Variants in VPS53 observed in about 807,000 individuals in gnomAD.
VPS53 encodes the protein VPS53 subunit of GARP complex.
VPS53 carries 70 observed loss-of-function variants against 107.0 expected under a neutral mutation model. That is an observed-to-expected ratio of 0.65 (90% CI 0.54 to 0.80). The LOEUF is 0.80. Among genes scored for constraint, VPS53 ranks in the 30% least tolerant of loss-of-function variants. VPS53 has a pLI of 0.00. For missense variants in VPS53, 917 were observed against 1,049.4 expected (o/e 0.87, Z 1.74); for synonymous variants, 409 against 393.3 (o/e 1.04, Z -0.47).
intron 4 of VPS53, among the ~76,000 whole-genome samples, chr17:662,889 G>GGAAC (rs1971530744): frequency 6.9e-6 from 1 of 144,598 alleles, no homozygotes; most frequent in Non-Finnish European, 1.5e-5. Context: ...AAGGAAGGAA[G>GGAAC]GAAGGCAGGC....
chr17:529,964 G>A (rs1427122000), intron 19 of VPS53, among the ~76,000 whole-genome samples: 3 of 151,042 alleles, frequency 2.0e-5, no homozygotes, highest in Non-Finnish European at 4.4e-5. Context: ...TTGAGCCCAC[G>A]AATTGAGACT....
At chr17:607,140 C>T (rs916080399) in intron 11 of VPS53, among the ~76,000 whole-genome samples, 2 of 152,178 alleles carry the variant, frequency 1.3e-5, no homozygotes, top group Admixed American at 1.3e-4. Flanking sequence ...AGCTACGAAA[C>T]AAGGCAAAAC....
chr17:595,752 TC>T (rs1238899577), intron 12 of VPS53, among the ~76,000 whole-genome samples: 1 of 119,642 alleles, frequency 8.4e-6, no homozygotes, highest in African/African-American at 3.2e-5. Context: ...CACTCTAGTG[TC>T]CCCCTGGAGG....
At position 653,131 on chromosome 17, in the gene VPS53, T is replaced by C. The variant is rs141719153; in HGVS notation, c.608+160A>G. ...ACCTTTCGGAAAGCTGCCGGATCTG[T>C]GGAATCCCCATATACTTTCCCTCCG... On this transcript the variant is annotated intron_variant, in intron 7 of 21. Transcript: ENST00000437048. The C allele has an allele frequency of 5.4e-4, 523 of 977,068 alleles. 4 individuals are homozygous for C. In the African/African-American group the frequency reaches 8.9e-3, roughly 17 times the overall value. The allele number at this position is 977,068 out of a possible 1,614,324, so 60.5% of individuals were successfully genotyped here. A position where few individuals can be genotyped will look rare whatever the true frequency, so the allele number is the denominator to read the frequency against.
In VPS53 at chr17:679,977, G is replaced by A. The variant is rs898128680; in HGVS notation, c.285+17441C>T. Among the ~76,000 whole-genome samples the A allele has an allele frequency of 6.6e-5, 10 of 151,488 alleles. No homozygotes were observed. The Middle Eastern group carries it at 0.031, about 464-fold the overall frequency. ...AGCCTGGCCAACATGGTGAAACCCC[G>A]TCTCTACTAAAAATACAAAAATTTA... On this transcript the variant is annotated intron_variant, in intron 4 of 21. Coordinates refer to ENST00000437048, the MANE Select transcript of VPS53 (RefSeq NM_001128159.3).
At chr17:565,740 C>T (rs1913442445) in intron 13 of VPS53, among the ~76,000 whole-genome samples, 1 of 152,138 alleles carries the variant, frequency 6.6e-6, no homozygotes, top group African/African-American at 2.4e-5. Flanking sequence ...TGGCCTACTC[C>T]CGGTCACTGG....
At chr17:537,268 G>A (rs550985435) in intron 17 of VPS53, 92 bp from the exon 18 acceptor site, 1 of 1,435,652 alleles carries the variant, frequency 7.0e-7, no homozygotes, top group South Asian at 1.3e-5. Flanking sequence ...TGGAAGTCAG[G>A]TCACAGCTTT....
chr17:560,349 T>C (rs1912820849), intron 15 of VPS53, 77 bp downstream of exon 15: 2 of 1,521,900 alleles, frequency 1.3e-6, no homozygotes, highest in Non-Finnish European at 8.9e-7. Context: ...TTAGGACGTA[T>C]ATTCTTACTC....
intron 11 of VPS53, among the ~76,000 whole-genome samples, chr17:617,592 C>G (rs1969204737): frequency 6.6e-6 from 1 of 151,548 alleles, no homozygotes; most frequent in Non-Finnish European, 1.5e-5. Context: ...GCTGGGACTA[C>G]AGGCGTGCGC....
At position 511,707 on chromosome 17, in the gene VPS53, A is replaced by C. The variant is rs1907954257; in HGVS notation, c.*7421T>G. On this transcript the variant is annotated 3_prime_UTR_variant, in exon 22 of 22. Transcript: ENST00000437048. ...CTTCCCAGTTAGAACTGCCTGTCCC[A>C]AGTTAATCTTGCTTAGTTTTTTGGG... The C allele has an allele frequency of 6.6e-6, 1 of 152,208 alleles. No homozygotes were observed. The highest frequency in any genetic ancestry group is 2.4e-5 in the African/African-American group (1 of 41,454). The allele number at this position is 152,208 out of a possible 1,614,324, so 9.4% of individuals were successfully genotyped here. A position where few individuals can be genotyped will look rare whatever the true frequency, so the allele number is the denominator to read the frequency against.
chr17:559,640 C>T (rs1197831499), intron 15 of VPS53, among the ~76,000 whole-genome samples: 1 of 152,256 alleles, frequency 6.6e-6, no homozygotes, highest in Non-Finnish European at 1.5e-5. Context: ...CCCTGGCACA[C>T]AGGAGCTCCA....
At chr17:658,461 A>G (rs1182897429) in intron 5 of VPS53, among the ~76,000 whole-genome samples, 1 of 147,764 alleles carries the variant, frequency 6.8e-6, no homozygotes, top group Admixed American at 6.7e-5. Context: ...GAAGTGAGAA[A>G]CTTGGCCGTG....
chr17:704,828 A>C (rs1338266959), intron 2 of VPS53, among the ~76,000 whole-genome samples: 1 of 152,132 alleles, frequency 6.6e-6, no homozygotes, highest in Admixed American at 6.5e-5. Flanking sequence ...TTTCCTACAA[A>C]ATTTTCAAAT....
At chr17:663,687 T>C (rs1249462820) in intron 4 of VPS53, among the ~76,000 whole-genome samples, 1 of 152,252 alleles carries the variant, frequency 6.6e-6, no homozygotes, top group Non-Finnish European at 1.5e-5. Context: ...CTAAAGACTA[T>C]GAATTCCTGA....
At chr17:672,175 A>AGCTCTC (rs1971987159) in intron 4 of VPS53, among the ~76,000 whole-genome samples, 1 of 107,068 alleles carries the variant, frequency 9.3e-6, no homozygotes, top group Non-Finnish European at 1.9e-5. Context: ...CACAATCTCA[A>AGCTCTC]TCTCTCTCTC....
Position 627,173 on chromosome 17 carries a change from C to G in VPS53, c.974+1G>C, listed in dbSNP as rs1356764904. ...AGAACCAGTAGAGAACTGGCATCTA[C>G]CTTGTCACATGGCAAAATTCCACCG... is the stretch of plus-strand genomic sequence containing the variant. On this transcript the variant is annotated splice_donor_variant, in intron 10 of 21. Transcript: ENST00000437048. LOFTEE classifies it high-confidence loss of function. 6.2e-7 allele frequency: 1 copy of G among 1,612,224 alleles called. No homozygotes were observed. The highest frequency in any genetic ancestry group is 1.1e-5 in the South Asian group (1 of 90,638).
chr17:620,452 A>G (rs2143019946), intron 11 of VPS53, among the ~76,000 whole-genome samples: 1 of 152,242 alleles, frequency 6.6e-6, no homozygotes, highest in Non-Finnish European at 1.5e-5. Context: ...GTGGGACTCC[A>G]GGTACAAGTC....
At position 611,640 on chromosome 17, in the gene VPS53, G is replaced by T. The variant is rs180979909; in HGVS notation, c.1117-9744C>A. ...ACGAAAACCTGTACAAATATTCACA[G>T]CAGTATTCATACAGTGAAAACCTGT... On this transcript the variant is annotated intron_variant, in intron 11 of 21. Transcript: ENST00000437048. Among the ~76,000 whole-genome samples, 470 of 152,322 alleles carry T rather than the reference G, an allele frequency of 3.1e-3. 11 individuals are homozygous for T. Among genetic ancestry groups the T allele is most frequent in the Non-Finnish European group, 6.2e-4 (42 of 68,038 alleles).
chr17:536,890 G>T, intron 18 of VPS53, 138 bp downstream of exon 18: 1 of 1,075,584 alleles, frequency 9.3e-7, no homozygotes, highest in Non-Finnish European at 1.3e-6. Context: ...TGGGAAGACT[G>T]TGCATGTTGG....
Sources: allele counts gnomAD v4.1 joint callset (sites outside exome capture counted in the v4.1 genomes callset), GRCh38; gene constraint gnomAD v4.1.1; transcripts MANE v1.5; gene names NCBI Gene and HGNC (gene_info 2026-07-23, HGNC 2026-07-21).